Variants in AMPD2 observed in about 807,000 individuals in gnomAD.
AMPD2 encodes AMP deaminase 2.
A neutral mutation model predicts 91.3 loss-of-function variants in AMPD2; 52 were observed. The observed-to-expected ratio is 0.57, with a 90% CI of 0.46 to 0.72. AMPD2 has a LOEUF of 0.72. Among genes scored for constraint, AMPD2 ranks in the 30% least tolerant of loss-of-function variants. The pLI, the probability that AMPD2 is intolerant of heterozygous loss-of-function variation, is 0.00. For synonymous variants in AMPD2, 455 were observed against 456.4 expected (o/e 1.00, Z 0.04); for missense variants, 822 against 1,122.3 (o/e 0.73, Z 3.82).
chr1:109,625,524 T>C lies in AMPD2; in HGVS notation c.222+91T>C. The C allele has an allele frequency of 6.3e-7, 1 of 1,599,894 alleles. No individual in the cohort carries two copies. Among genetic ancestry groups the C allele is most frequent in the East Asian group, 2.2e-5 (1 of 44,648 alleles). On this transcript the variant is annotated intron_variant, in intron 3 of 18. Transcript: ENST00000528667. The surrounding 1 kb of genome is among the most constrained non-coding windows in gnomAD (Gnocchi z 4.0). ...CCTCACCTCAAGCTGTCCCCTCACC[T>C]CACGCTTGGCTGTCTCCTGATCCTC...
intron 8 of AMPD2, 29 bp from the exon 9 acceptor site, chr1:109,627,400 C>G: frequency 6.2e-7 from 1 of 1,614,056 alleles, no homozygotes; most frequent in Non-Finnish European, 8.5e-7. Context: ...TCGGCTTGCT[C>G]TCCTCACCCA....
intron 2 of AMPD2, chr1:109,622,265 G>A (rs952647924): frequency 2.2e-6 from 1 of 456,198 alleles, no homozygotes; most frequent in African/African-American, 2.0e-5. Flanking sequence ...TGTCCCCTGG[G>A]TGGGGCCCTT....
At position 109,624,138 on chromosome 1, in the gene AMPD2, CT is replaced by C; in HGVS notation, c.92-1164del. ...GTGCGCAGGGGACGGGGTCCTGGATCTGGGGCAGGCCCCTCCCTCTTCCCTT... is the reference window on the plus strand; with the variant it reads ...GTGCGCAGGGGACGGGGTCCTGGATCGGGGCAGGCCCCTCCCTCTTCCCTT... On this transcript the variant is annotated intron_variant, in intron 2 of 18. Transcript: ENST00000528667. The surrounding 1 kb of genome is among the most constrained non-coding windows in gnomAD (Gnocchi z 5.2). 4 of 927,346 alleles carry C rather than the reference CT, an allele frequency of 4.3e-6. No homozygotes were observed. The highest frequency in any genetic ancestry group is 5.1e-6 in the Non-Finnish European group (4 of 776,908). 57.4% of individuals were successfully genotyped at this position (927,346 alleles called of 1,614,324 possible).
chr1:109,628,697 T>C lies in AMPD2; in HGVS notation c.1462T>C (p.Ser488Pro). Reference protein sequence around the residue: ...SKYQNAELRLSIYGRSRDEWD... With the variant: ...SKYQNAELRLPIYGRSRDEWD... Reference sequence around the variant, plus strand: ...ATACCAGAATGCAGAGCTGCGGCTCTCCATTTACGGGCGCTCGAGGGATGA... The same window carrying C: ...ATACCAGAATGCAGAGCTGCGGCTCCCCATTTACGGGCGCTCGAGGGATGA... Residue 488 changes from serine (S) to proline (P), a missense_variant, in exon 13 of 19, where the codon TCC (serine) becomes CCC (proline). Around this residue, in one of 5 missense-constraint regions of AMPD2, gnomAD observed 430 missense variants for 606.0 expected, o/e 0.71. Coordinates refer to ENST00000528667, the MANE Select transcript of AMPD2 (RefSeq NM_001368809.2). This position sits in a 1 kb window ranked among gnomAD's most constrained non-coding sequence, Gnocchi z 7.1. 6.2e-7 allele frequency: 1 copy of C among 1,613,754 alleles called. No homozygotes were observed. The highest frequency in any genetic ancestry group is 8.5e-7 in the Non-Finnish European group (1 of 1,179,884).
intron 2 of AMPD2, among the ~76,000 whole-genome samples, chr1:109,622,683 TG>T (rs1463424528): frequency 6.6e-6 from 1 of 152,094 alleles, no homozygotes; most frequent in Non-Finnish European, 1.5e-5. Flanking sequence ...TCTGGCAGGC[TG>T]GGGGGATGGC....
chr1:109,623,902 T>C (rs1650441341), intron 2 of AMPD2: 2 of 615,344 alleles, frequency 3.3e-6, no homozygotes, highest in Non-Finnish European at 4.1e-6. Flanking sequence ...CTGATGCTCC[T>C]TCCCTTGGTT....
intron 2 of AMPD2, chr1:109,622,441 G>T: frequency 2.7e-6 from 1 of 371,710 alleles, no homozygotes; most frequent in Non-Finnish European, 5.4e-6. Context: ...GGGGCTCCTG[G>T]TCGAGAGGGG....
chr1:109,622,416 C>T (rs1433803758), intron 2 of AMPD2: 2 of 394,838 alleles, frequency 5.1e-6, no homozygotes, highest in East Asian at 7.3e-5. Context: ...CTGAGGCAGT[C>T]GTGGCAGTGT....
At chr1:109,627,651 T>C in intron 9 of AMPD2, 123 bp from the exon 10 acceptor site, 1 of 1,522,502 alleles carries the variant, frequency 6.6e-7, no homozygotes, top group Non-Finnish European at 9.0e-7. Flanking sequence ...CCCCGCAGTC[T>C]ACTTCCCTCT....
intron 6 of AMPD2, 91 bp from the exon 7 acceptor site, chr1:109,626,635 G>A (rs1020294315): frequency 4.0e-6 from 6 of 1,506,720 alleles, no homozygotes; most frequent in Admixed American, 2.0e-5. Flanking sequence ...CCTGTGGGAG[G>A]TGGGGATAGT....
Position 109,625,359 on chromosome 1 carries a change from C to A in AMPD2, c.148C>A (p.Pro50Thr). The change falls in exon 3 of 19, where the codon CCC becomes ACC. Residue 50 changes from proline to threonine, a missense_variant. Transcript: ENST00000528667. This position sits in a 1 kb window ranked among gnomAD's most constrained non-coding sequence, Gnocchi z 4.0. ...GCAGTCTGCCCGATCCCTGCCGGGC[C>A]CCGCCCCCTGCCTCAAGCACTTCCC... ...PLQSARSLPG[P>T]APCLKHFPLD... 2 of 1,613,754 alleles carry A rather than the reference C, an allele frequency of 1.2e-6. No individual in the cohort carries two copies. Among genetic ancestry groups the A allele is most frequent in the Non-Finnish European group, 8.5e-7 (1 of 1,179,944 alleles).
At position 109,625,792 on chromosome 1, in the gene AMPD2, A is replaced by G. The variant is rs1311931932; in HGVS notation, c.353A>G (p.Lys118Arg). The G allele has an allele frequency of 1.9e-6, 3 of 1,613,988 alleles. No homozygotes were observed. The highest frequency in any genetic ancestry group is 2.5e-6 in the Non-Finnish European group (3 of 1,180,008). ...RLERQISQDV[K>R]LEPDILLRAK... Reference sequence around the variant, plus strand: ...GAGCGGCAGATCAGCCAGGATGTCAAGTGAGCCCGGCAGGCAGCTGCTTAG... The same window carrying G: ...GAGCGGCAGATCAGCCAGGATGTCAGGTGAGCCCGGCAGGCAGCTGCTTAG... The change falls in exon 4 of 19, where the codon AAG becomes AGG. Residue 118 changes from lysine (K) to arginine (R), a missense_variant and splice_region_variant. By Grantham distance (26) the Lys-to-Arg change is conservative. This residue lies in a region of AMPD2 where 240 missense variants were observed against 270.3 expected (regional missense o/e 0.89). Transcript: ENST00000528667. This position sits in a 1 kb window ranked among gnomAD's most constrained non-coding sequence, Gnocchi z 4.0.
In AMPD2 at chr1:109,628,318, G is replaced by T. The variant is rs368471949; in HGVS notation, c.1275+41G>T. 23 of 1,613,208 alleles carry T rather than the reference G, an allele frequency of 1.4e-5. No homozygotes were observed. The South Asian group carries it at 1.9e-4, about 13-fold the overall frequency. Reference sequence around the variant, plus strand: ...GTGGGCTGTGGGACTGAGTCAGTCAGGGGACCAGGAGTCACGGGTGACCTG... The same window carrying T: ...GTGGGCTGTGGGACTGAGTCAGTCATGGGACCAGGAGTCACGGGTGACCTG... On this transcript the variant is annotated intron_variant, in intron 11 of 18. Transcript: ENST00000528667. The surrounding 1 kb of genome is among the most constrained non-coding windows in gnomAD (Gnocchi z 7.1).
At position 109,626,361 on chromosome 1, in the gene AMPD2, G is replaced by T. The variant is rs1174988066; in HGVS notation, c.465G>T (p.Leu155=). Residue 155 remains leucine, a synonymous_variant, in exon 6 of 19, where the codon CTG becomes CTT. Transcript: ENST00000528667. ...GTGAGGGGCAGGGTGACCGGAGCCT[G>T]CGGGAGCGTGATGTGCTGGAACGGG... is the stretch of plus-strand genomic sequence containing the variant. ...EQGEGQGDRS[L]RERDVLEREF... is the part of the protein sequence containing the mutation. 10 of 1,612,606 alleles carry T rather than the reference G, an allele frequency of 6.2e-6. No homozygotes were observed. Among genetic ancestry groups the T allele is most frequent in the Non-Finnish European group, 8.5e-6 (10 of 1,179,420 alleles).
At position 109,630,680 on chromosome 1, in the gene AMPD2, C is replaced by G; in HGVS notation, c.2158-3C>G. 6.2e-7 allele frequency: 1 copy of G among 1,608,590 alleles called. No individual in the cohort carries two copies. The highest frequency in any genetic ancestry group is 8.5e-7 in the Non-Finnish European group (1 of 1,178,208). On this transcript the variant is annotated splice_polypyrimidine_tract_variant and splice_region_variant and intron_variant, in intron 17 of 18. Coordinates refer to ENST00000528667, the MANE Select transcript of AMPD2 (RefSeq NM_001368809.2). ...CTCGTCTGAGGGAACCTGGCCCGTG[C>G]AGGAGCCGCTGATGGAGGAGTACAG...
chr1:109,622,389 G>A, intron 2 of AMPD2: 1 of 436,856 alleles, frequency 2.3e-6, no homozygotes, highest in Non-Finnish European at 4.6e-6. Context: ...TCAAAGCCGT[G>A]GACACCCCTG....
chr1:109,626,615 G>T (rs1288921372), intron 6 of AMPD2, 111 bp from the exon 7 acceptor site: 1 of 1,446,914 alleles, frequency 6.9e-7, no homozygotes, highest in Non-Finnish European at 9.4e-7. Flanking sequence ...AGTGTTCCTG[G>T]GGGTCAGGGC....
rs1650761585 is a variant in AMPD2 at position 109,627,187 on chromosome 1, A to AC, written c.737dup (p.Ala247CysfsTer8). The AC allele has an allele frequency of 1.9e-6, 3 of 1,612,638 alleles. No individual in the cohort carries two copies. Among genetic ancestry groups the AC allele is most frequent in the Non-Finnish European group, 2.5e-6 (3 of 1,179,770 alleles). The stretch of plus-strand genomic sequence containing the variant: ...CTCACCCCTGCAGATGCCCCGGTGC[A>AC]CCCCCCTGCGCTGGAGCAGCACCCG... On this transcript the variant is annotated frameshift_variant, in exon 8 of 19. Transcript: ENST00000528667. LOFTEE classifies it high-confidence loss of function.
Position 109,628,977 on chromosome 1 carries a change from G to A in AMPD2, c.1572-132G>A. ...GGTCTGTCCAGCCTGGCCCACCTGG[G>A]TATCCTTGCTTTCCCAATATGGTTC... On this transcript the variant is annotated intron_variant, in intron 13 of 18. Transcript: ENST00000528667. This position sits in a 1 kb window ranked among gnomAD's most constrained non-coding sequence, Gnocchi z 7.1. 6.9e-7 allele frequency: 1 copy of A among 1,450,862 alleles called. No individual in the cohort carries two copies. Among genetic ancestry groups the A allele is most frequent in the Non-Finnish European group, 9.2e-7 (1 of 1,084,202 alleles). The allele number at this position is 1,450,862 out of a possible 1,614,324, so 89.9% of individuals were successfully genotyped here. A position where few individuals can be genotyped will look rare whatever the true frequency, so the allele number is the denominator to read the frequency against.
Sources: gnomAD v4.1 joint callset for allele counts (sites outside exome capture counted in the v4.1 genomes callset) on GRCh38, gnomAD v4.1.1 for gene constraint, gnomAD v4.1.1 regional missense constraint, Gnocchi (gnomAD v3.1) non-coding constraint, MANE v1.5 for transcripts, NCBI Gene and HGNC (gene_info 2026-07-23, HGNC 2026-07-21) for gene names.